CTSL: variants seen among roughly 807,000 people sequenced by gnomAD.
CTSL encodes the protein cathepsin L.
Under a neutral mutation model 34.7 loss-of-function variants are expected in CTSL, and 23 were observed. The observed-to-expected ratio is 0.66, with a 90% CI of 0.48 to 0.94. CTSL has a LOEUF of 0.94. Ranked by LOEUF, CTSL falls within the 40% of genes least tolerant of loss-of-function variation. CTSL has a pLI of 0.00. For synonymous variants in CTSL, 129 were observed against 136.7 expected (o/e 0.94, Z 0.39); for missense variants, 361 against 406.3 (o/e 0.89, Z 0.96).
chr9:87,727,369 G>GCTCT (rs144999134), intron 1 of CTSL, among the ~76,000 whole-genome samples: 2,229 of 152,286 alleles, frequency 0.015, 53 homozygotes, highest in African/African-American at 0.05. Flanking sequence ...AGCTCCTACA[G>GCTCT]CTCTGGACAG....
chr9:87,726,574 C>G (rs58218735), intron 1 of CTSL, among the ~76,000 whole-genome samples, 176 bp downstream of exon 1: 2 of 152,218 alleles, frequency 1.3e-5, no homozygotes, highest in Admixed American at 6.5e-5. Context: ...ACGCCTGGAG[C>G]CCTGGAAGCT....
In CTSL at chr9:87,730,427, T is replaced by C. The variant is rs1826212644; in HGVS notation, c.831T>C (p.Gly277=). 1.2e-6 allele frequency: 2 copies of C among 1,613,212 alleles called. No homozygotes were observed. The highest frequency in any genetic ancestry group is 1.7e-6 in the Non-Finnish European group (2 of 1,179,710). The change falls in exon 7 of 8, where the codon GGT becomes GGC. Residue 277 remains glycine, a synonymous_variant. Coordinates refer to ENST00000343150, the MANE Select transcript of CTSL (RefSeq NM_001912.5). ...PDCSSEDMDH[G]VLVVGYGFES... is the part of the protein sequence containing the mutation. ...GTAGCAGTGAAGACATGGATCATGG[T>C]GTGCTGGTGGTTGGCTACGGATTTG...
intron 5 of CTSL, 48 bp from the exon 6 acceptor site, chr9:87,729,525 A>G: frequency 6.5e-7 from 1 of 1,538,258 alleles, no homozygotes; most frequent in Admixed American, 1.7e-5. Context: ...GTTCTCCAGG[A>G]GGAGGACAGC....
rs759203286 is a variant in CTSL, at chr9:87,727,743, C to T, written c.126+14C>T. 1 of 1,613,856 alleles carries T rather than the reference C, an allele frequency of 6.2e-7. No homozygotes were observed. Among genetic ancestry groups the T allele is most frequent in the Admixed American group, 1.7e-5 (1 of 59,986 alleles). On this transcript the variant is annotated intron_variant, in intron 2 of 7. Coordinates refer to ENST00000343150, the MANE Select transcript of CTSL (RefSeq NM_001912.5). Reference sequence around the variant, plus strand: ...TTATACGGCATGGTTAGTGAAACTTCCCCAGAAAGAATAGTCCTGGCTGTT... The same window carrying T: ...TTATACGGCATGGTTAGTGAAACTTTCCCAGAAAGAATAGTCCTGGCTGTT...
chr9:87,728,538 A>C, intron 4 of CTSL, 47 bp from the exon 5 acceptor site: 1 of 1,586,208 alleles, frequency 6.3e-7, no homozygotes, highest in South Asian at 1.1e-5. Flanking sequence ...TCAAAGTCTT[A>C]TTATTTTTTT....
At position 87,727,880 on chromosome 9, in the gene CTSL, G is replaced by A. The variant is rs756645370; in HGVS notation, c.127-147G>A. On this transcript the variant is annotated intron_variant, in intron 2 of 7. Coordinates refer to ENST00000343150, the MANE Select transcript of CTSL (RefSeq NM_001912.5). Reference sequence around the variant, plus strand: ...CAATGTGGACATTCATCCTTGTTGTGTCTCAGTTTGGAGAACAGCATCCCC... The same window carrying A: ...CAATGTGGACATTCATCCTTGTTGTATCTCAGTTTGGAGAACAGCATCCCC... The A allele has an allele frequency of 2.8e-6, 4 of 1,405,118 alleles. No individual in the cohort carries two copies. In the Admixed American group the frequency reaches 5.3e-5, roughly 19 times the overall value. 87.0% of individuals were successfully genotyped at this position (1,405,118 alleles called of 1,614,324 possible). A position where few individuals can be genotyped will look rare whatever the true frequency, so the allele number is the denominator to read the frequency against.
rs779396216 is a variant in CTSL at position 87,728,739 on chromosome 9, A to C, written c.551A>C (p.Asp184Ala). ...GNEGCNGGLM[D>A]YAFQYVQDNG... ...GAAGGCTGCAATGGTGGCCTAATGGATTATGCTTTCCAGTATGTTCAGGAT... is the reference window on the plus strand; with the variant it reads ...GAAGGCTGCAATGGTGGCCTAATGGCTTATGCTTTCCAGTATGTTCAGGAT... The change falls in exon 5 of 8, where the codon GAT (aspartate) becomes GCT (alanine). Residue 184 changes from aspartate to alanine, a missense_variant. Coordinates refer to ENST00000343150, the MANE Select transcript of CTSL (RefSeq NM_001912.5). The C allele has an allele frequency of 4.3e-6, 7 of 1,614,010 alleles. No homozygotes were observed. In the African/African-American group the frequency reaches 9.3e-5, roughly 22 times the overall value.
intron 7 of CTSL, 108 bp downstream of exon 7, chr9:87,730,606 C>T: frequency 1.4e-6 from 1 of 723,470 alleles, no homozygotes; most frequent in Non-Finnish European, 2.3e-6. Context: ...TCTGAAATCC[C>T]CAGAAGTCTA....
In CTSL at chr9:87,727,674, G is replaced by A. The variant is rs1190872243; in HGVS notation, c.71G>A (p.Ser24Asn). 3 of 1,614,038 alleles carry A rather than the reference G, an allele frequency of 1.9e-6. No homozygotes were observed. The South Asian group carries it at 3.3e-5, about 18-fold the overall frequency. Residue 24 changes from serine to asparagine, a missense_variant, in exon 2 of 8, where the codon AGT becomes AAT. By Grantham distance (46) the Ser-to-Asn change is conservative. Coordinates refer to ENST00000343150, the MANE Select transcript of CTSL (RefSeq NM_001912.5). ...TCAGCTACTCTAACATTTGATCACA[G>A]TTTAGAGGCACAGTGGACCAAGTGG... ...IASATLTFDH[S>N]LEAQWTKWKA...
chr9:87,729,888 G>T (rs189806900), intron 6 of CTSL, among the ~76,000 whole-genome samples, 153 bp downstream of exon 6: 11 of 152,242 alleles, frequency 7.2e-5, no homozygotes, highest in Admixed American at 5.9e-4. Flanking sequence ...ATTTATACCT[G>T]ATGTTTCCAT....
At position 87,730,996 on chromosome 9, in the gene CTSL, C is replaced by G. The variant is rs777882349; in HGVS notation, c.903-12C>G. Reference sequence around the variant, plus strand: ...TTCTTTCTCTGAAATGGAAAACCTGCTCTTTTTTCAGCTGGGGTGAAGAAT... The same window carrying G: ...TTCTTTCTCTGAAATGGAAAACCTGGTCTTTTTTCAGCTGGGGTGAAGAAT... On this transcript the variant is annotated splice_polypyrimidine_tract_variant and intron_variant, in intron 7 of 7. Coordinates refer to ENST00000343150, the MANE Select transcript of CTSL (RefSeq NM_001912.5). 4.3e-6 allele frequency: 7 copies of G among 1,610,888 alleles called. No homozygotes were observed. The highest frequency in any genetic ancestry group is 5.9e-6 in the Non-Finnish European group (7 of 1,177,378).
intron 4 of CTSL, 73 bp from the exon 5 acceptor site, chr9:87,728,512 G>A: frequency 1.9e-6 from 3 of 1,573,866 alleles, no homozygotes; most frequent in Non-Finnish European, 2.6e-6. Flanking sequence ...ACAGTATTCA[G>A]ATGTGTGAGC....
chr9:87,728,431 C>G, intron 4 of CTSL, 35 bp downstream of exon 4: 1 of 1,599,518 alleles, frequency 6.3e-7, no homozygotes, highest in South Asian at 1.1e-5. Context: ...TCCCATCTTC[C>G]CAGGAAAGCC....
chr9:87,727,862 G>T, intron 2 of CTSL, 133 bp downstream of exon 2: 1 of 1,397,712 alleles, frequency 7.2e-7, no homozygotes. Context: ...GCACAATGTG[G>T]ACATTCATCC....
At position 87,731,224 on chromosome 9, in the gene CTSL, C is replaced by T. The variant is rs1826251739; in HGVS notation, c.*117C>T. ...ATACACACTCGAATCATTGAAGATC[C>T]GAGTGTGATTTGAATTCTGTGATAT... On this transcript the variant is annotated 3_prime_UTR_variant, in exon 8 of 8. Transcript: ENST00000343150. 2.2e-5 allele frequency: 14 copies of T among 625,806 alleles called. No individual in the cohort carries two copies. Among genetic ancestry groups the T allele is most frequent in the South Asian group, 5.3e-5 (2 of 37,570 alleles). 38.8% of individuals were successfully genotyped at this position (625,806 alleles called of 1,614,324 possible).
chr9:87,728,533 GTCT>G (rs1311124407), intron 4 of CTSL, 49 bp from the exon 5 acceptor site: 1 of 1,586,134 alleles, frequency 6.3e-7, no homozygotes, highest in East Asian at 2.2e-5. Flanking sequence ...TGTTGTCAAA[GTCT>G]TATTATTTTT....
chr9:87,726,438 G>A (rs1587867316), intron 1 of CTSL, 40 bp downstream of exon 1: 1 of 152,522 alleles, frequency 6.6e-6, no homozygotes, highest in Non-Finnish European at 1.5e-5. Context: ...TCAGGGCCTG[G>A]CCCGGCCAGA....
chr9:87,730,285 A>C lies in CTSL; in HGVS notation c.785-96A>C, dbSNP rs1826207237. On this transcript the variant is annotated intron_variant, in intron 6 of 7. Transcript: ENST00000343150. The stretch of plus-strand genomic sequence containing the variant: ...ATCTGGAATGTGTGTCACTTCACTG[A>C]ATTCAGAGATGCCTCATTCCCTGTG... 7.2e-6 allele frequency: 5 copies of C among 690,896 alleles called. No individual in the cohort carries two copies. The Admixed American group carries it at 1.4e-4, about 19-fold the overall frequency. The allele number at this position is 690,896 out of a possible 1,614,324, so 42.8% of individuals were successfully genotyped here.
intron 7 of CTSL, 90 bp downstream of exon 7, chr9:87,730,588 G>A: frequency 3.5e-6 from 3 of 856,190 alleles, no homozygotes; most frequent in East Asian, 2.5e-5. Flanking sequence ...CATGCCCTTA[G>A]GCATACTTCT....
Sources: allele counts gnomAD v4.1 joint callset (sites outside exome capture counted in the v4.1 genomes callset), GRCh38; gene constraint gnomAD v4.1.1; transcripts MANE v1.5; gene names NCBI Gene and HGNC (gene_info 2026-07-23, HGNC 2026-07-21).